Variants in RBFOX1 observed in about 807,000 individuals in gnomAD.
RBFOX1 encodes the protein RNA binding protein fox-1 homolog 1.
RBFOX1 carries 8 observed loss-of-function variants against 57.7 expected under a neutral mutation model. The observed-to-expected ratio is 0.14, with a 90% CI of 0.08 to 0.25. The LOEUF (loss-of-function observed/expected upper bound fraction) is 0.25, where lower values mean the gene tolerates loss of function less well. Ranked by LOEUF, RBFOX1 falls within the 10% of genes least tolerant of loss-of-function variation. RBFOX1 has a pLI of 1.00. For synonymous variants in RBFOX1, 326 were observed against 222.4 expected (o/e 1.47, Z -4.15); for missense variants, 611 against 548.5 (o/e 1.11, Z -1.14).
upstream of RBFOX1, among the ~76,000 whole-genome samples, chr16:6,018,354 G>A (rs1223698772): frequency 6.6e-6 from 1 of 152,186 alleles, no homozygotes; most frequent in African/African-American, 2.4e-5. Context: ...TCTACTTCCA[G>A]TTGTTGAAAA....
intron 3 of RBFOX1, among the ~76,000 whole-genome samples, chr16:6,706,301 A>T (rs2062733251): frequency 6.6e-6 from 1 of 152,176 alleles, no homozygotes; most frequent in African/African-American, 2.4e-5. Context: ...AAAATAAATC[A>T]CATTTACGAG....
chr16:6,722,528 C>CCGAAA (rs57056506), intron 3 of RBFOX1, among the ~76,000 whole-genome samples: 1 of 151,984 alleles, frequency 6.6e-6, no homozygotes, highest in Non-Finnish European at 1.5e-5. Context: ...GGCATTTTGC[C>CCGAAA]AAGTCATTTT....
chr16:5,249,716 C>T (rs2062398185), intron 1 of RBFOX1, among the ~76,000 whole-genome samples: 1 of 152,172 alleles, frequency 6.6e-6, no homozygotes, highest in Admixed American at 6.5e-5. Flanking sequence ...CACCTGTATT[C>T]CCAGCACTTT....
chr16:7,069,861 C>A (rs952662065), intron 4 of RBFOX1, among the ~76,000 whole-genome samples: 1 of 152,204 alleles, frequency 6.6e-6, no homozygotes, highest in African/African-American at 2.4e-5. Context: ...CCTTACATCA[C>A]TCCAAAATGT....
intron 1 of RBFOX1, among the ~76,000 whole-genome samples, chr16:6,227,355 C>T (rs2097425666): frequency 6.6e-6 from 1 of 152,140 alleles, no homozygotes. Flanking sequence ...TTTGGGACCA[C>T]ATTTTCAGAA....
chr16:7,144,425 T>C (rs1196538041), intron 4 of RBFOX1, among the ~76,000 whole-genome samples: 2 of 139,532 alleles, frequency 1.4e-5, no homozygotes, highest in South Asian at 2.4e-4. Flanking sequence ...TTCTTTTTTT[T>C]TTTTTTTTTT....
intron 11 of RBFOX1, among the ~76,000 whole-genome samples, chr16:7,636,267 A>G (rs1226808762): frequency 2.6e-5 from 4 of 152,160 alleles, no homozygotes; most frequent in African/African-American, 9.7e-5. Context: ...GTTTTGCTCT[A>G]TTTTGCAAAT....
chr16:6,317,100 C>A, intron 2 of RBFOX1, 43 bp downstream of exon 2: 2 of 1,471,472 alleles, frequency 1.4e-6, no homozygotes, highest in Non-Finnish European at 1.8e-6. Flanking sequence ...TAAATACATC[C>A]ATGTCTTTGA....
chr16:7,310,951 G>T (rs762902479), intron 4 of RBFOX1, among the ~76,000 whole-genome samples: 3 of 152,174 alleles, frequency 2.0e-5, no homozygotes, highest in Admixed American at 1.3e-4. Flanking sequence ...CAACGCTTTG[G>T]AAAACTTCCG....
chr16:5,310,608 A>G (rs891337624), intron 1 of RBFOX1, among the ~76,000 whole-genome samples: 14 of 152,256 alleles, frequency 9.2e-5, no homozygotes, highest in Non-Finnish European at 1.8e-4. Flanking sequence ...ACACCCACAT[A>G]CAATTGTAAG....
In RBFOX1 at chr16:6,021,538, C is replaced by T. The variant is rs568832332; in HGVS notation, c.-127+1546C>T. 8.5e-5 allele frequency among the ~76,000 whole-genome samples: 13 copies of T among 152,336 alleles called. 1 individual carries two copies. In the South Asian group the frequency reaches 2.7e-3, roughly 32 times the overall value. ...CTGTGCTGGTAAAAAGTGGGGCTGACTCAAAACCTGTGTCCTCTTTGAGCT... is the reference window on the plus strand; with the variant it reads ...CTGTGCTGGTAAAAAGTGGGGCTGATTCAAAACCTGTGTCCTCTTTGAGCT... On this transcript the variant is annotated intron_variant, in intron 1 of 15. Transcript: ENST00000550418.
chr16:7,464,539 C>T (rs2060142714), intron 4 of RBFOX1, among the ~76,000 whole-genome samples: 1 of 152,082 alleles, frequency 6.6e-6, no homozygotes, highest in African/African-American at 2.4e-5. Context: ...TCACCCCTTT[C>T]AGGGACATCT....
At chr16:7,314,220 G>T (rs1407639413) in intron 4 of RBFOX1, among the ~76,000 whole-genome samples, 2 of 152,048 alleles carry the variant, frequency 1.3e-5, no homozygotes, top group African/African-American at 2.4e-5. Context: ...GTTGTACTGG[G>T]GAGCTCTCCA....
chr16:6,397,748 A>G (rs1369202540), intron 2 of RBFOX1, among the ~76,000 whole-genome samples: 1 of 152,244 alleles, frequency 6.6e-6, no homozygotes, highest in Non-Finnish European at 1.5e-5. Context: ...AATGTGAAGC[A>G]AAACTATACT....
chr16:7,308,341 A>G (rs1340757513), intron 4 of RBFOX1, among the ~76,000 whole-genome samples: 3 of 147,378 alleles, frequency 2.0e-5, no homozygotes, highest in Admixed American at 1.4e-4. Context: ...AAAGAGGATC[A>G]GTAGCATATT....
intron 3 of RBFOX1, among the ~76,000 whole-genome samples, chr16:6,985,411 C>G (rs1358633735): frequency 1.3e-5 from 2 of 152,188 alleles, no homozygotes; most frequent in African/African-American, 4.8e-5. Context: ...ACTCAGGAGG[C>G]TTAGGCAGGA....
rs536787260 is a variant in RBFOX1, at chr16:5,415,081, A to G, written c.220-52135A>G. 2.0e-5 allele frequency among the ~76,000 whole-genome samples: 3 copies of G among 152,338 alleles called. No homozygotes were observed. In the South Asian group the frequency reaches 6.2e-4, roughly 32 times the overall value. On this transcript the variant is annotated intron_variant, in intron 1 of 2. Coordinates refer to the RBFOX1 transcript ENST00000585867. Reference sequence around the variant, plus strand: ...CAGATGGGTGAACTGAAGATCAGACATTTGAGATAATGTCTAATCACACCG... The same window carrying G: ...CAGATGGGTGAACTGAAGATCAGACGTTTGAGATAATGTCTAATCACACCG...
At chr16:6,411,526 T>C (rs2093458353) in intron 2 of RBFOX1, among the ~76,000 whole-genome samples, 1 of 152,238 alleles carries the variant, frequency 6.6e-6, no homozygotes, top group Non-Finnish European at 1.5e-5. Flanking sequence ...TAAAATGTCC[T>C]ATTAGCTACA....
At chr16:6,367,581 T>C (rs565927379) in intron 2 of RBFOX1, among the ~76,000 whole-genome samples, 80 of 152,264 alleles carry the variant, frequency 5.3e-4, no homozygotes, top group African/African-American at 1.8e-3. Flanking sequence ...CTTCTTGGAT[T>C]TTCTTATGCA....
Sources: allele counts gnomAD v4.1 joint callset (sites outside exome capture counted in the v4.1 genomes callset), GRCh38; gene constraint gnomAD v4.1.1; transcripts MANE v1.5; gene names NCBI Gene and HGNC (gene_info 2026-07-23, HGNC 2026-07-21).